Variants in FOXJ3 observed in about 807,000 individuals in gnomAD.
FOXJ3 encodes the protein forkhead box J3.
FOXJ3 carries 22 observed loss-of-function variants against 76.1 expected under a neutral mutation model. The ratio of observed to expected loss-of-function variants is 0.29; its 90% CI spans 0.21 to 0.41. FOXJ3 has a LOEUF of 0.41. Among genes scored for constraint, FOXJ3 ranks in the 10% least tolerant of loss-of-function variants. The probability of loss-of-function intolerance (pLI) is 1.00; values close to 1 mark genes in which losing one functional copy is unlikely to be tolerated. For synonymous variants in FOXJ3, 269 were observed against 261.2 expected, an observed-to-expected ratio of 1.03 and a Z score of -0.29; for missense variants, 613 against 762.1, an observed-to-expected ratio of 0.80 and a Z score of 2.30.
chr1:42,309,658 A>C (rs964020604), intron 2 of FOXJ3, among the ~76,000 whole-genome samples: 1 of 152,232 alleles, frequency 6.6e-6, no homozygotes, highest in Non-Finnish European at 1.5e-5. Flanking sequence ...ATCTGACAAC[A>C]GTAGATGCTC....
intron 1 of FOXJ3, among the ~76,000 whole-genome samples, chr1:42,318,412 G>A (rs1655245802): frequency 6.6e-6 from 1 of 152,102 alleles, no homozygotes; most frequent in Admixed American, 6.5e-5. Flanking sequence ...AGTGATCTTG[G>A]CTCACTGCAA....
rs1646337903 is a variant in FOXJ3, at chr1:42,182,151, AAGAAAATATT to A, written c.1646-137_1646-128del. On this transcript the variant is annotated intron_variant, in intron 11 of 12. Transcript: ENST00000361346. ...GCAGGTAAAATAAGGAGAAAGGGGG[AAGAAAATATT>A]ACTCCTTTCAGATGCTAAAATTGTG... 8 of 593,536 alleles carry A rather than the reference AAGAAAATATT, an allele frequency of 1.3e-5. No individual in the cohort carries two copies. In the South Asian group the frequency reaches 1.4e-4, roughly 10 times the overall value. 36.8% of individuals were successfully genotyped at this position (593,536 alleles called of 1,614,324 possible).
intron 2 of FOXJ3, among the ~76,000 whole-genome samples, chr1:42,279,508 A>G (rs1652539947): frequency 6.6e-6 from 1 of 152,206 alleles, no homozygotes; most frequent in Non-Finnish European, 1.5e-5. Context: ...AGTGATTTGA[A>G]TTCTGTAGTG....
At chr1:42,303,651 G>A (rs1654292325) in intron 2 of FOXJ3, among the ~76,000 whole-genome samples, 3 of 152,182 alleles carry the variant, frequency 2.0e-5, no homozygotes, top group East Asian at 3.8e-4. Flanking sequence ...CATCTTTAAG[G>A]AAGAAGCGTT....
intron 5 of FOXJ3, among the ~76,000 whole-genome samples, chr1:42,209,568 G>C (rs1018078375): frequency 1.3e-5 from 2 of 152,196 alleles, no homozygotes; most frequent in African/African-American, 4.8e-5. Context: ...AGTCAGGCCA[G>C]TGGGAAATGC....
intron 5 of FOXJ3, among the ~76,000 whole-genome samples, chr1:42,226,824 G>T (rs2124451393): frequency 6.6e-6 from 1 of 152,258 alleles, no homozygotes; most frequent in African/African-American, 2.4e-5. Context: ...ATGAACTCAT[G>T]TGATCCCAAC....
intron 3 of FOXJ3, among the ~76,000 whole-genome samples, chr1:42,268,223 A>G (rs1486338943): frequency 6.6e-6 from 1 of 152,134 alleles, no homozygotes; most frequent in Non-Finnish European, 1.5e-5. Flanking sequence ...GAGAAAGCAG[A>G]TTATATATAA....
At chr1:42,219,882 G>A (rs777860178) in intron 5 of FOXJ3, among the ~76,000 whole-genome samples, 28 of 152,188 alleles carry the variant, frequency 1.8e-4, no homozygotes, top group Non-Finnish European at 3.4e-4. Flanking sequence ...TCACAACACT[G>A]CATTGCAGCC....
At chr1:42,297,582 C>T (rs1371191380) in intron 2 of FOXJ3, among the ~76,000 whole-genome samples, 2 of 152,142 alleles carry the variant, frequency 1.3e-5, no homozygotes, top group Admixed American at 6.6e-5. Flanking sequence ...TTTGCATATG[C>T]TTAAACATTC....
At chr1:42,299,927 G>A (rs1482140417) in intron 2 of FOXJ3, among the ~76,000 whole-genome samples, 1 of 151,878 alleles carries the variant, frequency 6.6e-6, no homozygotes, top group South Asian at 2.1e-4. Context: ...ATATAGGACA[G>A]GCACAGTGGC....
intron 1 of FOXJ3, among the ~76,000 whole-genome samples, chr1:42,321,864 G>GC (rs1655450721): frequency 6.6e-6 from 1 of 151,998 alleles, no homozygotes; most frequent in Non-Finnish European, 1.5e-5. Context: ...GATTCCATTG[G>GC]CATCATTTTC....
At chr1:42,320,875 T>A (rs1029425687) in intron 1 of FOXJ3, among the ~76,000 whole-genome samples, 2 of 152,162 alleles carry the variant, frequency 1.3e-5, no homozygotes, top group African/African-American at 4.8e-5. Context: ...AAGACGCCAC[T>A]TCCCTGGATC....
chr1:42,195,005 GTAC>G lies in FOXJ3; in HGVS notation c.816_818del (p.Gln272_Tyr273delinsHis), dbSNP rs1207308101. On this transcript the variant is annotated inframe_deletion, in exon 8 of 13. Coordinates refer to ENST00000361346, the MANE Select transcript of FOXJ3 (RefSeq NM_014947.5). The stretch of plus-strand genomic sequence containing the variant: ...GTTGCTTGTCTCTTTCTGGAAGGTT[GTAC>G]TGTGGTTGCTGCTGAGGAGTTAATG... 10 of 1,613,366 alleles carry G rather than the reference GTAC, an allele frequency of 6.2e-6. No homozygotes were observed. Among genetic ancestry groups the G allele is most frequent in the Non-Finnish European group, 8.5e-6 (10 of 1,179,582 alleles).
chr1:42,334,047 C>T (rs1656314707), intron 1 of FOXJ3: 1 of 460,404 alleles, frequency 2.2e-6, no homozygotes, highest in Non-Finnish European at 2.9e-6. Context: ...CCAGGGACAA[C>T]ACAGACGTGG....
At chr1:42,213,782 A>C (rs1246771287) in intron 5 of FOXJ3, among the ~76,000 whole-genome samples, 2 of 152,212 alleles carry the variant, frequency 1.3e-5, no homozygotes, top group Non-Finnish European at 2.9e-5. Flanking sequence ...CAGAGAATAG[A>C]ATGGTGGTTA....
At chr1:42,203,424 T>A (rs1646799935) in intron 6 of FOXJ3, among the ~76,000 whole-genome samples, 1 of 152,186 alleles carries the variant, frequency 6.6e-6, no homozygotes, top group East Asian at 1.9e-4. Context: ...TCCATTTTCT[T>A]TCGGCAGATA....
At chr1:42,310,910 GC>G (rs1196320104) in intron 2 of FOXJ3, 139 bp downstream of exon 2, 3 of 539,042 alleles carry the variant, frequency 5.6e-6, no homozygotes, top group Non-Finnish European at 9.8e-6. Context: ...ATTCCATTCC[GC>G]CAAATTGCAC....
In FOXJ3 at chr1:42,282,909, G is replaced by A. The variant is rs367580485; in HGVS notation, c.45-4237C>T. Among the ~76,000 whole-genome samples the A allele has an allele frequency of 3.6e-4, 55 of 152,286 alleles. No individual in the cohort carries two copies. The Middle Eastern group carries it at 0.01, about 28-fold the overall frequency. On this transcript the variant is annotated intron_variant, in intron 2 of 12. Coordinates refer to ENST00000361346, the MANE Select transcript of FOXJ3 (RefSeq NM_014947.5). ...CCAGGAGATTCTGATCTCCTTGAAA[G>A]AAGAAACTTTCATGACTGAAATAGT...
chr1:42,237,436 A>G (rs1246485573), intron 4 of FOXJ3, among the ~76,000 whole-genome samples: 1 of 144,676 alleles, frequency 6.9e-6, no homozygotes, highest in Non-Finnish European at 1.5e-5. Context: ...ATACATACAT[A>G]CATATATATA....
Sources: gnomAD v4.1 joint callset for allele counts (sites outside exome capture counted in the v4.1 genomes callset) on GRCh38, gnomAD v4.1.1 for gene constraint, MANE v1.5 for transcripts, NCBI Gene and HGNC (gene_info 2026-07-23, HGNC 2026-07-21) for gene names.